UBE4B: variants seen among roughly 807,000 people sequenced by gnomAD.
The protein encoded by UBE4B is ubiquitination factor E4B.
Under a neutral mutation model 148.1 loss-of-function variants are expected in UBE4B, and 27 were observed. The ratio of observed to expected loss-of-function variants is 0.18; its 90% CI spans 0.13 to 0.25. The LOEUF (loss-of-function observed/expected upper bound fraction) is 0.25. Ranked by LOEUF, UBE4B falls within the 10% of genes least tolerant of loss-of-function variation. The probability of loss-of-function intolerance (pLI) is 1.00; values close to 1 mark genes in which losing one functional copy is unlikely to be tolerated. For missense variants in UBE4B, 1,170 were observed against 1,662.4 expected, an observed-to-expected ratio of 0.70 and a Z score of 5.15; for synonymous variants, 596 against 619.3, an observed-to-expected ratio of 0.96 and a Z score of 0.56.
chr1:10,177,917 T>G (rs1436744264), intron 25 of UBE4B, among the ~76,000 whole-genome samples: 1 of 152,012 alleles, frequency 6.6e-6, no homozygotes, highest in East Asian at 1.9e-4. Context: ...AGGGTTCAGA[T>G]TTGCCTACGA....
chr1:10,129,877 T>C (rs1425924775), intron 12 of UBE4B, among the ~76,000 whole-genome samples: 2 of 152,170 alleles, frequency 1.3e-5, no homozygotes, highest in Non-Finnish European at 2.9e-5. Context: ...GGTCTCGAAC[T>C]ACTGACCTCA....
chr1:10,152,568 C>T (rs1358352901), intron 21 of UBE4B, among the ~76,000 whole-genome samples: 3 of 151,784 alleles, frequency 2.0e-5, no homozygotes, highest in Admixed American at 1.3e-4. Context: ...GAGGCCGAGG[C>T]GGGTGGATCA....
intron 1 of UBE4B, among the ~76,000 whole-genome samples, chr1:10,048,765 A>C (rs1643967646): frequency 6.6e-6 from 1 of 152,178 alleles, no homozygotes; most frequent in African/African-American, 2.4e-5. Context: ...CAAGTTCAAG[A>C]GAGAATGGGA....
chr1:10,109,206 G>C (rs79758840), intron 7 of UBE4B, among the ~76,000 whole-genome samples: 1,723 of 152,092 alleles, frequency 0.011, 29 homozygotes, highest in African/African-American at 0.039. Flanking sequence ...CAGGGGGAAC[G>C]GGGGGGCCGG....
chr1:10,167,813 G>T (rs941872450), intron 23 of UBE4B, among the ~76,000 whole-genome samples: 1 of 151,992 alleles, frequency 6.6e-6, no homozygotes. Context: ...GGGTGGTCTC[G>T]ATCTCGACCT....
At position 10,174,801 on chromosome 1, in the gene UBE4B, T is replaced by G. The variant is rs1646393090; in HGVS notation, c.3525+3472T>G. Among the ~76,000 whole-genome samples, 3 of 152,072 alleles carry G rather than the reference T, an allele frequency of 2.0e-5. No individual in the cohort carries two copies. The South Asian group carries it at 6.2e-4, about 32-fold the overall frequency. On this transcript the variant is annotated intron_variant, in intron 25 of 27. Transcript: ENST00000343090. ...CTATTTATATTGGCCATAAGCTGAT[T>G]AGGGGCCTGCTTACTTGATTGTTTT...
At chr1:10,142,689 G>A (rs1452889236) in intron 17 of UBE4B, among the ~76,000 whole-genome samples, 1 of 151,810 alleles carries the variant, frequency 6.6e-6, no homozygotes, top group Non-Finnish European at 1.5e-5. Context: ...GATGAAGGTT[G>A]CATTCCCTGC....
chr1:10,102,989 A>G lies in UBE4B; in HGVS notation c.477A>G (p.Leu159=). The G allele has an allele frequency of 6.2e-7, 1 of 1,613,708 alleles. No individual in the cohort carries two copies. Among genetic ancestry groups the G allele is most frequent in the Non-Finnish European group, 8.5e-7 (1 of 1,179,838 alleles). ...SGPEVSEEQA[L]QLVCKIFRVS... ...CTGAAGTGTCTGAAGAGCAGGCCTT[A>G]CAGCTGGTCTGTAAGATCTTCCGTG... is the stretch of plus-strand genomic sequence containing the variant. Residue 159 remains leucine, a synonymous_variant, in exon 5 of 28, where the codon TTA becomes TTG. Coordinates refer to ENST00000343090, the MANE Select transcript of UBE4B (RefSeq NM_001105562.3).
chr1:10,179,589 A>G lies in UBE4B; in HGVS notation c.3847+27A>G, dbSNP rs41310363. The G allele has an allele frequency of 0.028, 45,537 of 1,609,760 alleles. 937 individuals carry two copies. The highest frequency in any genetic ancestry group is 0.083 in the East Asian group (3,703 of 44,868). ...TAGAGGAGGGTGCAGTTTGAGGTGC[A>G]GCGCTGGCGTCAGTACCAAGAGATA... On this transcript the variant is annotated intron_variant, in intron 27 of 27. Coordinates refer to ENST00000343090, the MANE Select transcript of UBE4B (RefSeq NM_001105562.3).
rs753668938 is a variant in UBE4B at position 10,106,530 on chromosome 1, C to G, written c.1143C>G (p.Pro381=). The stretch of plus-strand genomic sequence containing the variant: ...GCAGCACGGGTCCACCCCTACCACC[C>G]GCCTCACCCAGTGCCACGAGCAGAC... The part of the protein sequence containing the change: ...RPSSTGPPLP[P]ASPSATSRRP... Residue 381 remains proline, a synonymous_variant, in exon 7 of 28, where the codon CCC becomes CCG. Coordinates refer to ENST00000343090, the MANE Select transcript of UBE4B (RefSeq NM_001105562.3). The surrounding 1 kb of genome is among the most constrained non-coding windows in gnomAD (Gnocchi z 4.2). 1.5e-5 allele frequency: 24 copies of G among 1,604,384 alleles called. No individual in the cohort carries two copies. The highest frequency in any genetic ancestry group is 2.0e-5 in the Non-Finnish European group (23 of 1,177,222).
At chr1:10,178,312 A>G (rs1423158550) in intron 25 of UBE4B, among the ~76,000 whole-genome samples, 1 of 152,062 alleles carries the variant, frequency 6.6e-6, no homozygotes, top group Non-Finnish European at 1.5e-5. Flanking sequence ...TTTAATGTTT[A>G]AACTTTAAAA....
Position 10,033,656 on chromosome 1 carries a change from A to G in UBE4B, c.-15A>G, listed in dbSNP as rs750874055. The G allele has an allele frequency of 1.9e-6, 3 of 1,567,134 alleles. No homozygotes were observed. Among genetic ancestry groups the G allele is most frequent in the Non-Finnish European group, 2.6e-6 (3 of 1,157,620 alleles). ...GGATCTCTCCTTAACGCCTTTCACC[A>G]TTAAGAGGAAAGCGATGGAGGAGCT... On this transcript the variant is annotated 5_prime_UTR_variant, in exon 1 of 28. Transcript: ENST00000343090.
intron 15 of UBE4B, 120 bp downstream of exon 15, chr1:10,132,602 G>T (rs146083700): frequency 8.1e-6 from 6 of 737,778 alleles, no homozygotes; most frequent in Admixed American, 5.8e-5. Flanking sequence ...CAAGGTAGAC[G>T]AGCTTCCTGC....
chr1:10,174,488 G>A (rs1646386811), intron 25 of UBE4B, among the ~76,000 whole-genome samples: 2 of 151,614 alleles, frequency 1.3e-5, no homozygotes, highest in African/African-American at 4.8e-5. Flanking sequence ...ATCACCTGAG[G>A]TCAGGAGTTT....
At chr1:10,117,866 AGCTCGGTACCGC>A (rs1645339551) in intron 8 of UBE4B, among the ~76,000 whole-genome samples, 1 of 152,202 alleles carries the variant, frequency 6.6e-6, no homozygotes, top group Admixed American at 6.5e-5. Context: ...ACCACACTGT[AGCTCGGTACCGC>A]CAGTGACTCA....
Position 10,164,986 on chromosome 1 carries a change from CAACGAGA to C in UBE4B, c.3199-3146_3199-3140del, listed in dbSNP as rs1007675546. Among the ~76,000 whole-genome samples the C allele has an allele frequency of 8.7e-4, 132 of 152,258 alleles. 1 individual carries two copies. Among genetic ancestry groups the C allele is most frequent in the African/African-American group, 2.9e-3 (120 of 41,534 alleles). On this transcript the variant is annotated intron_variant, in intron 23 of 27. Transcript: ENST00000343090. ...TACCCTCCTACCCCCAGCCTTCAGG[CAACGAGA>C]AACACTGCCACACATAACCTGATGT...
chr1:10,040,310 A>G (rs1476841113), intron 1 of UBE4B, among the ~76,000 whole-genome samples: 1 of 151,962 alleles, frequency 6.6e-6, no homozygotes, highest in Admixed American at 6.6e-5. Flanking sequence ...GTGTTTCACC[A>G]TATTGGCCAG....
intron 25 of UBE4B, among the ~76,000 whole-genome samples, chr1:10,175,650 C>CAAATAAATAAAT (rs950568771): frequency 7.1e-6 from 1 of 140,236 alleles, no homozygotes; most frequent in Admixed American, 6.8e-5. Flanking sequence ...GACTCCGTCT[C>CAAATAAATAAAT]AAATAAATAA....
intron 17 of UBE4B, among the ~76,000 whole-genome samples, chr1:10,144,554 T>C (rs139412405): frequency 0.017 from 2,630 of 151,892 alleles, 34 homozygotes; most frequent in Non-Finnish European, 0.027. Flanking sequence ...CCCAACATAG[T>C]GAAACCTCAT....
Sources: gnomAD v4.1 joint callset for allele counts (sites outside exome capture counted in the v4.1 genomes callset) on GRCh38, gnomAD v4.1.1 for gene constraint, Gnocchi (gnomAD v3.1) non-coding constraint, MANE v1.5 for transcripts, NCBI Gene and HGNC (gene_info 2026-07-23, HGNC 2026-07-21) for gene names.